Variants in KCNH5 observed in about 807,000 individuals in gnomAD.
The protein encoded by KCNH5 is potassium voltage-gated channel subfamily H member 5.
In KCNH5, 46 loss-of-function variants were observed where a neutral mutation model predicts 96.1. That is an observed-to-expected ratio of 0.48 (90% CI 0.38 to 0.61). The LOEUF is 0.61. KCNH5 is among the 20% of genes least tolerant of loss of function. KCNH5 has a pLI of 0.00. For missense variants in KCNH5, 907 were observed against 1,225.8 expected (o/e 0.74, Z 3.88); for synonymous variants, 439 against 449.8 (o/e 0.98, Z 0.30).
chr14:62,855,472 A>C (rs570517401), intron 7 of KCNH5, among the ~76,000 whole-genome samples: 1 of 152,342 alleles, frequency 6.6e-6, no homozygotes, highest in South Asian at 2.1e-4. Context: ...ACTTGAAATA[A>C]GTCATACCCT....
chr14:62,723,152 A>G (rs1253888658), intron 10 of KCNH5, among the ~76,000 whole-genome samples: 2 of 151,944 alleles, frequency 1.3e-5, no homozygotes, highest in Non-Finnish European at 2.9e-5. Flanking sequence ...TTTTTTTACC[A>G]TAAAAGAAAT....
At chr14:62,969,449 AAAGCC>A (rs1257041709) in intron 6 of KCNH5, among the ~76,000 whole-genome samples, 2 of 152,222 alleles carry the variant, frequency 1.3e-5, no homozygotes, top group Non-Finnish European at 2.9e-5. Flanking sequence ...AAAAATCAAC[AAAGCC>A]AAAAGCTAAT....
intron 8 of KCNH5, among the ~76,000 whole-genome samples, chr14:62,805,357 C>A (rs959077156): frequency 1.3e-5 from 2 of 152,008 alleles, no homozygotes; most frequent in African/African-American, 4.8e-5. Context: ...TAACATATGA[C>A]ACTAATTGAT....
chr14:62,897,995 T>G (rs1355506727), intron 7 of KCNH5, among the ~76,000 whole-genome samples: 1 of 152,188 alleles, frequency 6.6e-6, no homozygotes, highest in African/African-American at 2.4e-5. Context: ...CTCATGAGTA[T>G]AATTGGATGC....
chr14:62,919,612 T>A (rs185186153), intron 7 of KCNH5, among the ~76,000 whole-genome samples: 2 of 152,036 alleles, frequency 1.3e-5, no homozygotes, highest in African/African-American at 4.8e-5. Flanking sequence ...ATAACACTTA[T>A]CTAGTAAGAT....
intron 8 of KCNH5, among the ~76,000 whole-genome samples, chr14:62,816,934 T>C (rs1020254352): frequency 1.3e-5 from 2 of 151,188 alleles, no homozygotes; most frequent in African/African-American, 4.8e-5. Flanking sequence ...TTGAATTCTC[T>C]ATTGCATTTT....
chr14:62,876,448 A>G (rs1482099001), intron 7 of KCNH5, among the ~76,000 whole-genome samples: 1 of 152,228 alleles, frequency 6.6e-6, no homozygotes, highest in African/African-American at 2.4e-5. Flanking sequence ...CAAATAGAAA[A>G]TGTTTAATAA....
chr14:62,846,358 T>C (rs1000200060), intron 8 of KCNH5, among the ~76,000 whole-genome samples: 1 of 152,154 alleles, frequency 6.6e-6, no homozygotes, highest in Non-Finnish European at 1.5e-5. Flanking sequence ...CTTTATGTCA[T>C]TTTCATTTTC....
chr14:62,963,067 C>T (rs1008294878), intron 6 of KCNH5, among the ~76,000 whole-genome samples: 1 of 152,074 alleles, frequency 6.6e-6, no homozygotes, highest in Non-Finnish European at 1.5e-5. Context: ...TACTTCATCT[C>T]ATCATGTAGG....
chr14:62,912,701 T>G (rs1889194078), intron 7 of KCNH5, among the ~76,000 whole-genome samples: 1 of 152,140 alleles, frequency 6.6e-6, no homozygotes, highest in South Asian at 2.1e-4. Context: ...CCACCGTACC[T>G]GGCCATCTAG....
At chr14:62,957,331 T>G (rs1215653189) in intron 6 of KCNH5, among the ~76,000 whole-genome samples, 1 of 152,230 alleles carries the variant, frequency 6.6e-6, no homozygotes, top group African/African-American at 2.4e-5. Flanking sequence ...TCAGCCAATA[T>G]TCCTTCCTAT....
chr14:62,823,610 C>T (rs1317758648), intron 8 of KCNH5, among the ~76,000 whole-genome samples: 1 of 152,060 alleles, frequency 6.6e-6, no homozygotes, highest in African/African-American at 2.4e-5. Context: ...TTTGAAAGGC[C>T]AGCAGAAATT....
At chr14:62,999,283 C>A (rs530771459) in intron 4 of KCNH5, among the ~76,000 whole-genome samples, 1 of 152,306 alleles carries the variant, frequency 6.6e-6, no homozygotes, top group South Asian at 2.1e-4. Flanking sequence ...TCTCTGATGG[C>A]CAATGATGAT....
chr14:62,940,247 A>G (rs545191923), intron 7 of KCNH5, among the ~76,000 whole-genome samples: 1 of 152,266 alleles, frequency 6.6e-6, no homozygotes, highest in East Asian at 1.9e-4. Flanking sequence ...TTTTAGCACT[A>G]CAAAAGCAGA....
chr14:63,005,963 T>C (rs77621080), intron 3 of KCNH5, among the ~76,000 whole-genome samples: 1 of 152,310 alleles, frequency 6.6e-6, no homozygotes, highest in East Asian at 1.9e-4. Context: ...CATATTCACA[T>C]TGCCTATGTT....
intron 7 of KCNH5, among the ~76,000 whole-genome samples, chr14:62,949,169 G>T (rs939643409): frequency 6.6e-6 from 1 of 152,154 alleles, no homozygotes; most frequent in Admixed American, 6.5e-5. Flanking sequence ...GGGCAATTAG[G>T]CAGGAGAAGG....
chr14:62,852,206 C>A (rs1016308902), intron 7 of KCNH5, among the ~76,000 whole-genome samples: 88 of 152,072 alleles, frequency 5.8e-4, no homozygotes, highest in African/African-American at 2.1e-3. Flanking sequence ...TTCCACTCTT[C>A]CAGTTCTCAT....
At chr14:62,841,254 TA>T (rs1371992122) in intron 8 of KCNH5, among the ~76,000 whole-genome samples, 2 of 152,196 alleles carry the variant, frequency 1.3e-5, no homozygotes, top group African/African-American at 2.4e-5. Context: ...GTTTAGTTTA[TA>T]AAATTCAAAT....
intron 8 of KCNH5, among the ~76,000 whole-genome samples, chr14:62,833,298 T>C (rs2140029679): frequency 6.6e-6 from 1 of 152,164 alleles, no homozygotes; most frequent in African/African-American, 2.4e-5. Context: ...AAGTCTTTAA[T>C]CCATTTTGTG....
Sources: gnomAD v4.1 joint callset for allele counts (sites outside exome capture counted in the v4.1 genomes callset) on GRCh38, gnomAD v4.1.1 for gene constraint, MANE v1.5 for transcripts, NCBI Gene and HGNC (gene_info 2026-07-23, HGNC 2026-07-21) for gene names.